The following ZCCHC7 variants were observed in gnomAD, a reference collection of about 807,000 sequenced individuals.
ZCCHC7 encodes the protein zinc finger CCHC domain-containing protein 7.
A neutral mutation model predicts 52.0 loss-of-function variants in ZCCHC7; 35 were observed. That is an observed-to-expected ratio of 0.67 (90% CI 0.51 to 0.89). The LOEUF (loss-of-function observed/expected upper bound fraction) is 0.89, where lower values mean the gene tolerates loss of function less well. Among genes scored for constraint, ZCCHC7 ranks in the 40% least tolerant of loss-of-function variants. The pLI, the probability that ZCCHC7 is intolerant of heterozygous loss-of-function variation, is 0.00. For synonymous variants in ZCCHC7, 217 were observed against 221.5 expected (o/e 0.98, Z 0.18); for missense variants, 574 against 649.1 (o/e 0.88, Z 1.26).
intron 5 of ZCCHC7, among the ~76,000 whole-genome samples, chr9:37,323,781 A>G (rs1830139434): frequency 6.6e-6 from 1 of 152,190 alleles, no homozygotes; most frequent in Admixed American, 6.5e-5. Flanking sequence ...GAGAAATTAT[A>G]TTTCACGTAT....
intron 2 of ZCCHC7, among the ~76,000 whole-genome samples, chr9:37,265,302 G>T (rs1408214179): frequency 6.6e-6 from 1 of 152,112 alleles, no homozygotes; most frequent in Non-Finnish European, 1.5e-5. Context: ...ATACCTTACA[G>T]GATGAAAGGT....
At chr9:37,180,898 C>G (rs532465555) in intron 2 of ZCCHC7, among the ~76,000 whole-genome samples, 1 of 151,982 alleles carries the variant, frequency 6.6e-6, no homozygotes, top group Admixed American at 6.6e-5. Flanking sequence ...TTGGTCATTT[C>G]GGATGATATG....
At chr9:37,168,445 A>G (rs1176114227) in intron 2 of ZCCHC7, among the ~76,000 whole-genome samples, 1 of 152,194 alleles carries the variant, frequency 6.6e-6, no homozygotes, top group Non-Finnish European at 1.5e-5. Context: ...CTAAAGGTTT[A>G]TGTATTTATA....
intron 6 of ZCCHC7, among the ~76,000 whole-genome samples, chr9:37,330,222 A>G (rs1191007865): frequency 4.6e-5 from 7 of 151,954 alleles, no homozygotes; most frequent in Non-Finnish European, 7.4e-5. Context: ...AAATATTCCA[A>G]ATAAAAAATT....
At chr9:37,298,220 G>C (rs571095531) in intron 2 of ZCCHC7, among the ~76,000 whole-genome samples, 1 of 152,280 alleles carries the variant, frequency 6.6e-6, no homozygotes, top group Admixed American at 6.5e-5. Flanking sequence ...GTGTAATAAA[G>C]ATAGCAGAAT....
chr9:37,130,510 T>G lies in ZCCHC7; in HGVS notation c.610+3568T>G, dbSNP rs1393227046. 5.3e-4 allele frequency among the ~76,000 whole-genome samples: 79 copies of G among 149,110 alleles called. 1 individual carries two copies. Among genetic ancestry groups the G allele is most frequent in the Admixed American group, 7.3e-4 (11 of 15,022 alleles). On this transcript the variant is annotated intron_variant, in intron 2 of 8. Transcript: ENST00000336755. The stretch of plus-strand genomic sequence containing the variant: ...AATCTCAATTTTTTTTTTTTTTTTT[T>G]GAGACAGAGTCTCGCTCTGTCGCCC...
intron 2 of ZCCHC7, among the ~76,000 whole-genome samples, chr9:37,160,419 G>A (rs534872358): frequency 6.6e-6 from 1 of 152,314 alleles, no homozygotes; most frequent in African/African-American, 2.4e-5. Flanking sequence ...GGAGGCTGAG[G>A]CAGGAGAGTC....
At position 37,318,190 on chromosome 9, in the gene ZCCHC7, G is replaced by A. The variant is rs1829902754; in HGVS notation, c.952-9609G>A. Among the ~76,000 whole-genome samples the A allele has an allele frequency of 2.6e-5, 4 of 151,754 alleles. No individual in the cohort carries two copies. The Admixed American group carries it at 2.6e-4, about 10-fold the overall frequency. ...TGCCTTACAATATAGTCATATAATG[G>A]GATTTATTCAGCCGTTTCGAAAATG... On this transcript the variant is annotated intron_variant, in intron 5 of 8. Coordinates refer to ENST00000336755, the MANE Select transcript of ZCCHC7 (RefSeq NM_032226.3).
chr9:37,276,446 C>T (rs1827689166), intron 2 of ZCCHC7, among the ~76,000 whole-genome samples: 1 of 152,094 alleles, frequency 6.6e-6, no homozygotes, highest in African/African-American at 2.4e-5. Context: ...GTGACCATGG[C>T]CAGCTTCGAG....
intron 2 of ZCCHC7, among the ~76,000 whole-genome samples, chr9:37,169,963 T>C (rs1239787054): frequency 6.6e-6 from 1 of 151,860 alleles, no homozygotes; most frequent in African/African-American, 2.4e-5. Flanking sequence ...CTCAAGAGGC[T>C]GAGGCTGGAG....
At chr9:37,290,497 A>AATACT (rs1398029905) in intron 2 of ZCCHC7, among the ~76,000 whole-genome samples, 1 of 152,118 alleles carries the variant, frequency 6.6e-6, no homozygotes, top group East Asian at 1.9e-4. Context: ...CTGTACAAAA[A>AATACT]ATACTAAAGT....
At chr9:37,133,541 A>G (rs67036212) in intron 2 of ZCCHC7, among the ~76,000 whole-genome samples, 44,474 of 151,558 alleles carry the variant, frequency 0.29, 7,084 homozygotes, top group Middle Eastern at 0.39. Flanking sequence ...ATGCTTGGCT[A>G]ATTTTTGTAT....
chr9:37,153,483 T>G (rs1467134865), intron 2 of ZCCHC7, among the ~76,000 whole-genome samples: 1 of 151,988 alleles, frequency 6.6e-6, no homozygotes, highest in Non-Finnish European at 1.5e-5. Context: ...TTGTTATTAT[T>G]TGTGGTTATT....
At chr9:37,179,375 A>T (rs949725707) in intron 2 of ZCCHC7, among the ~76,000 whole-genome samples, 1 of 152,184 alleles carries the variant, frequency 6.6e-6, no homozygotes, top group Non-Finnish European at 1.5e-5. Flanking sequence ...TACCTGCCGT[A>T]ATAGTGCGCT....
intron 2 of ZCCHC7, among the ~76,000 whole-genome samples, chr9:37,168,893 C>T (rs1331289760): frequency 1.3e-5 from 2 of 152,184 alleles, no homozygotes; most frequent in Admixed American, 1.3e-4. Flanking sequence ...GACAGAGTCA[C>T]AGCCGTAATG....
intron 2 of ZCCHC7, among the ~76,000 whole-genome samples, chr9:37,181,173 CTT>C (rs1350627137): frequency 1.3e-5 from 2 of 151,708 alleles, no homozygotes; most frequent in Non-Finnish European, 2.9e-5. Flanking sequence ...TTGTAGCTTT[CTT>C]TGTTATTTCG....
chr9:37,199,811 T>G (rs527640118), intron 2 of ZCCHC7, among the ~76,000 whole-genome samples: 2 of 152,082 alleles, frequency 1.3e-5, no homozygotes, highest in African/African-American at 4.8e-5. Context: ...GTTCACGCCA[T>G]TCTCCTGCCT....
intron 1 of ZCCHC7, among the ~76,000 whole-genome samples, chr9:37,122,756 G>C (rs1842368561): frequency 6.6e-6 from 1 of 152,226 alleles, no homozygotes; most frequent in Non-Finnish European, 1.5e-5. Flanking sequence ...TGGCCAACAT[G>C]GTGAAACCCG....
intron 2 of ZCCHC7, chr9:37,284,434 T>A (rs2133586772): frequency 6.6e-6 from 1 of 152,344 alleles, no homozygotes; most frequent in East Asian, 1.9e-4. Context: ...CAGTCCTAAT[T>A]ACATTTGATC....
Sources: gnomAD v4.1 joint callset for allele counts (sites outside exome capture counted in the v4.1 genomes callset) on GRCh38, gnomAD v4.1.1 for gene constraint, MANE v1.5 for transcripts, NCBI Gene and HGNC (gene_info 2026-07-23, HGNC 2026-07-21) for gene names.